Variants in TRIM35 observed in about 807,000 individuals in gnomAD.
TRIM35 encodes tripartite motif containing 35, also known as E3 ubiquitin-protein ligase TRIM35.
A neutral mutation model predicts 49.1 loss-of-function variants in TRIM35; 37 were observed. The observed-to-expected ratio is 0.75, with a 90% CI of 0.58 to 0.99. TRIM35 has a LOEUF of 0.99. Among genes scored for constraint, TRIM35 ranks in the 50% least tolerant of loss-of-function variants. TRIM35 has a pLI of 0.00. For synonymous variants in TRIM35, 302 were observed against 289.3 expected, an observed-to-expected ratio of 1.04 and a Z score of -0.45; for missense variants, 648 against 702.7, an observed-to-expected ratio of 0.92 and a Z score of 0.88.
chr8:27,287,389 G>C lies in TRIM35; in HGVS notation c.*161C>G. ...GGGCACAGAAGGGACCAAACATGGA[G>C]AGAGGCACAGCCTGGAGTCATGGAA... On this transcript the variant is annotated 3_prime_UTR_variant, in exon 6 of 6. Coordinates refer to ENST00000305364, the MANE Select transcript of TRIM35 (RefSeq NM_171982.5). The surrounding 1 kb of genome is among the most constrained non-coding windows in gnomAD (Gnocchi z 6.0). 1 of 786,890 alleles carries C rather than the reference G, an allele frequency of 1.3e-6. No homozygotes were observed. Among genetic ancestry groups the C allele is most frequent in the Non-Finnish European group, 2.0e-6 (1 of 505,866 alleles). 48.7% of individuals were successfully genotyped at this position (786,890 alleles called of 1,614,324 possible).
intron 1 of TRIM35, among the ~76,000 whole-genome samples, chr8:27,306,560 G>A (rs1371456236): frequency 2.6e-5 from 4 of 152,020 alleles, no homozygotes; most frequent in South Asian, 2.1e-4. Flanking sequence ...TCCTGACCTC[G>A]TGATCTGCCT....
At chr8:27,299,601 ACAGCACC>A (rs1480663082) in intron 1 of TRIM35, among the ~76,000 whole-genome samples, 1 of 152,202 alleles carries the variant, frequency 6.6e-6, no homozygotes, top group Non-Finnish European at 1.5e-5. Context: ...AGCTGCTGAG[ACAGCACC>A]CAGTGATCCC....
intron 3 of TRIM35, among the ~76,000 whole-genome samples, chr8:27,291,748 G>A (rs1242533234): frequency 6.6e-6 from 1 of 152,178 alleles, no homozygotes; most frequent in East Asian, 1.9e-4. Flanking sequence ...TCTGAAGCTG[G>A]AAAGTCCAAG....
In TRIM35 at chr8:27,285,999, TA is replaced by T; in HGVS notation, c.*1550del. ...GGCCTTAAGTTTTATCTAACCAGTGTACACAACATATTTATAACCAATTAAT... is the reference window on the plus strand; with the variant it reads ...GGCCTTAAGTTTTATCTAACCAGTGTCACAACATATTTATAACCAATTAAT... On this transcript the variant is annotated 3_prime_UTR_variant, in exon 6 of 6. Coordinates refer to ENST00000305364, the MANE Select transcript of TRIM35 (RefSeq NM_171982.5). 1 of 439,484 alleles carries T rather than the reference TA, an allele frequency of 2.3e-6. No homozygotes were observed. The highest frequency in any genetic ancestry group is 4.6e-6 in the Non-Finnish European group (1 of 218,540). 27.2% of individuals were successfully genotyped at this position (439,484 alleles called of 1,614,324 possible). A position where few individuals can be genotyped will look rare whatever the true frequency, so the allele number is the denominator to read the frequency against.
At chr8:27,301,863 A>G (rs896146433) in intron 1 of TRIM35, among the ~76,000 whole-genome samples, 4 of 152,194 alleles carry the variant, frequency 2.6e-5, no homozygotes, top group Admixed American at 2.6e-4. Context: ...TGATGTGGAT[A>G]CCTGGAGTTT....
chr8:27,297,492 C>T (rs1802593414), intron 2 of TRIM35, among the ~76,000 whole-genome samples: 1 of 152,232 alleles, frequency 6.6e-6, no homozygotes, highest in Admixed American at 6.5e-5. Context: ...CTACCCACTT[C>T]ACTCATTCAA....
chr8:27,302,588 T>C (rs756564315), intron 1 of TRIM35, among the ~76,000 whole-genome samples: 1 of 152,130 alleles, frequency 6.6e-6, no homozygotes, highest in Non-Finnish European at 1.5e-5. Context: ...TTTTAACTTT[T>C]TGTAGAGACA....
intron 2 of TRIM35, among the ~76,000 whole-genome samples, chr8:27,298,093 G>C (rs1157341906): frequency 6.6e-6 from 1 of 152,246 alleles, no homozygotes; most frequent in East Asian, 1.9e-4. Context: ...TTTGGAGATA[G>C]GGGAATAGGA....
chr8:27,289,892 T>C (rs1802417795), intron 4 of TRIM35, among the ~76,000 whole-genome samples: 1 of 152,034 alleles, frequency 6.6e-6, no homozygotes, highest in South Asian at 2.1e-4. Flanking sequence ...TGCAGGATAG[T>C]GTTCTCCTTC....
chr8:27,287,862 G>T lies in TRIM35; in HGVS notation c.1170C>A (p.His390Gln). Residue 390 changes from histidine to glutamine, a missense_variant, in exon 6 of 6, where the codon CAC becomes CAA. His to Gln is a conservative substitution (Grantham distance 24). Transcript: ENST00000305364. The surrounding 1 kb of genome is among the most constrained non-coding windows in gnomAD (Gnocchi z 6.0). Reference sequence around the variant, plus strand: ...CATACCAGAAGCCCGAGCGTGTGTCGTGGTAGCAGCTGTGTGAGTGGCCCT... The same window carrying T: ...CATACCAGAAGCCCGAGCGTGTGTCTTGGTAGCAGCTGTGTGAGTGGCCCT... Reference protein sequence around the residue: ...GAEGHSHSCYHDTRSGFWYVC... With the variant: ...GAEGHSHSCYQDTRSGFWYVC... The T allele has an allele frequency of 6.2e-7, 1 of 1,613,144 alleles. No individual in the cohort carries two copies. The highest frequency in any genetic ancestry group is 8.5e-7 in the Non-Finnish European group (1 of 1,179,794).
intron 1 of TRIM35, among the ~76,000 whole-genome samples, chr8:27,301,178 A>C (rs751858199): frequency 6.6e-6 from 1 of 152,252 alleles, no homozygotes; most frequent in African/African-American, 2.4e-5. Flanking sequence ...AGCATGTACT[A>C]GACACAAGGC....
At chr8:27,308,544 T>C (rs1802834350) in intron 1 of TRIM35, among the ~76,000 whole-genome samples, 1 of 152,162 alleles carries the variant, frequency 6.6e-6, no homozygotes, top group Non-Finnish European at 1.5e-5. Context: ...AATCTTCCCA[T>C]ACCGCTCCCC....
At chr8:27,309,436 C>T (rs1439183026) in intron 1 of TRIM35, among the ~76,000 whole-genome samples, 2 of 152,156 alleles carry the variant, frequency 1.3e-5, no homozygotes, top group African/African-American at 2.4e-5. Context: ...AGCATCCTTA[C>T]ATTCCCCTTC....
rs766547146 is a variant in TRIM35 at position 27,287,614 on chromosome 8, C to T, written c.1418G>A (p.Gly473Glu). The stretch of plus-strand genomic sequence containing the variant: ...GCAGATGCGCAAAGGCTCTGGAGGC[C>T]CGGCGCCCCGTGCACCCCCCAGGTA... ...YFYLGGARGA[G>E]PPEPLRICPL... is the part of the protein sequence containing the mutation. Residue 473 changes from glycine (G) to glutamate (E), a missense_variant, in exon 6 of 6, where the codon GGG becomes GAG. Coordinates refer to ENST00000305364, the MANE Select transcript of TRIM35 (RefSeq NM_171982.5). The surrounding 1 kb of genome is among the most constrained non-coding windows in gnomAD (Gnocchi z 6.0). 1.2e-6 allele frequency: 2 copies of T among 1,606,662 alleles called. No individual in the cohort carries two copies. The highest frequency in any genetic ancestry group is 4.5e-5 in the East Asian group (2 of 44,688).
rs1252524605 is a variant in TRIM35 at position 27,311,133 on chromosome 8, G to T, written c.103C>A (p.Arg35Ser). 1.9e-6 allele frequency: 3 copies of T among 1,602,774 alleles called. No homozygotes were observed. Among genetic ancestry groups the T allele is most frequent in the Non-Finnish European group, 2.6e-6 (3 of 1,175,932 alleles). The stretch of plus-strand genomic sequence containing the variant: ...CCGCGGCAGAAGTTGTGGCCGCAGC[G>T]CAGAGTGACTGCGTCGCGGAAGGGG... ...YDPFRDAVTLRCGHNFCRGCV... is the reference protein window; with the variant it reads ...YDPFRDAVTLSCGHNFCRGCV... Residue 35 changes from arginine to serine, a missense_variant, in exon 1 of 6, where the codon CGC (arginine) becomes AGC (serine). Coordinates refer to ENST00000305364, the MANE Select transcript of TRIM35 (RefSeq NM_171982.5).
At chr8:27,295,731 G>A (rs1802552275) in intron 2 of TRIM35, among the ~76,000 whole-genome samples, 1 of 152,108 alleles carries the variant, frequency 6.6e-6, no homozygotes, top group Admixed American at 6.5e-5. Flanking sequence ...TATTGCTTTC[G>A]TACCACAGTA....
chr8:27,296,510 T>G (rs1802570395), intron 2 of TRIM35, among the ~76,000 whole-genome samples: 1 of 152,174 alleles, frequency 6.6e-6, no homozygotes, highest in Admixed American at 6.5e-5. Context: ...CTAATCAGGC[T>G]GGAATTCTAG....
At chr8:27,303,850 T>C (rs1013938289) in intron 1 of TRIM35, among the ~76,000 whole-genome samples, 12 of 152,262 alleles carry the variant, frequency 7.9e-5, no homozygotes, top group Non-Finnish European at 1.6e-4. Context: ...CCTGCCGCCA[T>C]GCCCAACTAA....
chr8:27,287,856 T>C lies in TRIM35; in HGVS notation c.1176A>G (p.Thr392=), dbSNP rs931269149. The change falls in exon 6 of 6, where the codon ACA becomes ACG. Residue 392 remains threonine (T), a synonymous_variant. Transcript: ENST00000305364. This position sits in a 1 kb window ranked among gnomAD's most constrained non-coding sequence, Gnocchi z 6.0. ...EGHSHSCYHD[T]RSGFWYVCRT... ...GGCAGACATACCAGAAGCCCGAGCGTGTGTCGTGGTAGCAGCTGTGTGAGT... is the reference window on the plus strand; with the variant it reads ...GGCAGACATACCAGAAGCCCGAGCGCGTGTCGTGGTAGCAGCTGTGTGAGT... The C allele has an allele frequency of 6.2e-7, 1 of 1,612,972 alleles. No individual in the cohort carries two copies. Among genetic ancestry groups the C allele is most frequent in the South Asian group, 1.1e-5 (1 of 91,062 alleles).
Sources: allele counts gnomAD v4.1 joint callset (sites outside exome capture counted in the v4.1 genomes callset), GRCh38; gene constraint gnomAD v4.1.1; non-coding constraint Gnocchi (gnomAD v3.1); transcripts MANE v1.5; gene names NCBI Gene and HGNC (gene_info 2026-07-23, HGNC 2026-07-21).